PPP3CA: variants seen among roughly 807,000 people sequenced by gnomAD.
PPP3CA encodes protein phosphatase 3 catalytic subunit alpha.
PPP3CA carries 14 observed loss-of-function variants against 66.5 expected under a neutral mutation model. The ratio of observed to expected loss-of-function variants is 0.21; its 90% confidence interval spans 0.14 to 0.33. The LOEUF is 0.33. Ranked by LOEUF, PPP3CA falls within the 10% of genes least tolerant of loss-of-function variation. The pLI is 1.00. For synonymous variants in PPP3CA, 232 were observed against 226.2 expected, an observed-to-expected ratio of 1.03 and a Z score of -0.23; for missense variants, 317 against 639.5, an observed-to-expected ratio of 0.50 and a Z score of 5.44.
chr4:101,029,678 T>TAAAC (rs1424395635), intron 12 of PPP3CA, among the ~76,000 whole-genome samples: 1 of 151,682 alleles, frequency 6.6e-6, no homozygotes, highest in Admixed American at 6.6e-5. Flanking sequence ...TATTTAATAT[T>TAAAC]AAACAGCACT....
intron 1 of PPP3CA, among the ~76,000 whole-genome samples, chr4:101,310,681 A>C (rs1164231321): frequency 6.6e-6 from 1 of 152,230 alleles, no homozygotes; most frequent in Non-Finnish European, 1.5e-5. Context: ...AAGAAATAAC[A>C]ACAGAATTAA....
intron 2 of PPP3CA, among the ~76,000 whole-genome samples, chr4:101,155,755 G>T (rs954141614): frequency 1.3e-5 from 2 of 152,024 alleles, no homozygotes; most frequent in East Asian, 1.9e-4. Flanking sequence ...ACTACTTAAG[G>T]GTATATTAGA....
chr4:101,299,369 GT>G (rs1298871941), intron 1 of PPP3CA, among the ~76,000 whole-genome samples: 12 of 149,718 alleles, frequency 8.0e-5, no homozygotes, highest in African/African-American at 2.7e-4. Flanking sequence ...ATGACAGAAG[GT>G]TTTTTTGTTT....
At chr4:101,099,354 C>A (rs1475332022) in intron 4 of PPP3CA, among the ~76,000 whole-genome samples, 1 of 152,054 alleles carries the variant, frequency 6.6e-6, no homozygotes, top group African/African-American at 2.4e-5. Context: ...ATCCCTAAAT[C>A]ACTTGTTTCT....
At chr4:101,313,681 T>G (rs928337693) in intron 1 of PPP3CA, among the ~76,000 whole-genome samples, 1 of 152,302 alleles carries the variant, frequency 6.6e-6, no homozygotes, top group East Asian at 1.9e-4. Flanking sequence ...CAATTCAGAC[T>G]GCACAGCTGT....
intron 2 of PPP3CA, among the ~76,000 whole-genome samples, chr4:101,117,996 C>T (rs1721898069): frequency 6.6e-6 from 1 of 151,946 alleles, no homozygotes; most frequent in African/African-American, 2.4e-5. Context: ...AAATACTCAT[C>T]TCAGGTTTCA....
intron 1 of PPP3CA, among the ~76,000 whole-genome samples, chr4:101,219,208 G>A (rs575122946): frequency 1.1e-4 from 17 of 152,086 alleles, no homozygotes; most frequent in Non-Finnish European, 1.9e-4. Context: ...ACTGCATCTG[G>A]AAAGTATACT....
intron 1 of PPP3CA, among the ~76,000 whole-genome samples, chr4:101,341,268 C>T (rs1178556883): frequency 2.0e-5 from 3 of 148,398 alleles, no homozygotes; most frequent in African/African-American, 7.5e-5. Context: ...ACCTCAGCAT[C>T]CCAAAGTGCT....
intron 1 of PPP3CA, among the ~76,000 whole-genome samples, chr4:101,339,107 T>A (rs557951441): frequency 9.2e-5 from 14 of 152,280 alleles, no homozygotes; most frequent in Admixed American, 9.2e-4. Flanking sequence ...TGGCATCCAA[T>A]GACATTTTGG....
intron 2 of PPP3CA, among the ~76,000 whole-genome samples, chr4:101,156,814 T>C (rs1232856271): frequency 6.6e-6 from 1 of 152,238 alleles, no homozygotes; most frequent in African/African-American, 2.4e-5. Context: ...ACCAGTTTCA[T>C]GAAGTCCTTT....
chr4:101,049,558 A>G (rs538494742), intron 10 of PPP3CA, among the ~76,000 whole-genome samples: 1 of 152,240 alleles, frequency 6.6e-6, no homozygotes, highest in South Asian at 2.1e-4. Context: ...GTCTAATCAA[A>G]GATTGCTCTT....
At chr4:101,086,295 GA>G (rs895611667) in intron 6 of PPP3CA, among the ~76,000 whole-genome samples, 1 of 151,946 alleles carries the variant, frequency 6.6e-6, no homozygotes, top group Non-Finnish European at 1.5e-5. Flanking sequence ...ATTCTGCTCG[GA>G]AAAGAAGAGG....
At chr4:101,286,447 G>A (rs1727850403) in intron 1 of PPP3CA, among the ~76,000 whole-genome samples, 1 of 152,126 alleles carries the variant, frequency 6.6e-6, no homozygotes, top group Admixed American at 6.5e-5. Context: ...AAATTATTTA[G>A]GTCATAAAGT....
intron 2 of PPP3CA, 141 bp from the exon 3 acceptor site, chr4:101,109,219 A>T: frequency 1.1e-6 from 1 of 922,676 alleles, no homozygotes; most frequent in South Asian, 1.9e-5. Context: ...GAAGTACGAC[A>T]GAAAAGCTAA....
At chr4:101,159,293 C>T (rs181746526) in intron 2 of PPP3CA, among the ~76,000 whole-genome samples, 12 of 152,292 alleles carry the variant, frequency 7.9e-5, no homozygotes, top group African/African-American at 1.7e-4. Flanking sequence ...CTGCAGGCCA[C>T]GCTGCTCTAA....
intron 1 of PPP3CA, among the ~76,000 whole-genome samples, chr4:101,309,020 G>T (rs1252546574): frequency 6.6e-6 from 1 of 152,102 alleles, no homozygotes; most frequent in Non-Finnish European, 1.5e-5. Context: ...TTAGCTACTT[G>T]CGAGGCTGAG....
intron 1 of PPP3CA, among the ~76,000 whole-genome samples, chr4:101,307,233 G>T (rs747219533): frequency 6.7e-6 from 1 of 150,230 alleles, no homozygotes; most frequent in Non-Finnish European, 1.5e-5. Context: ...CCTACCTTAC[G>T]TGGAAAACCT....
In PPP3CA at chr4:101,222,883, G is replaced by A. The variant is rs191004763; in HGVS notation, c.59-26767C>T. On this transcript the variant is annotated intron_variant, in intron 1 of 13. Coordinates refer to ENST00000394854, the MANE Select transcript of PPP3CA (RefSeq NM_000944.5). ...ACAGTTATCAAGAGCTAGATTAGCTGCAAAGACACAAGTTAAAATTTAATT... is the reference window on the plus strand; with the variant it reads ...ACAGTTATCAAGAGCTAGATTAGCTACAAAGACACAAGTTAAAATTTAATT... 3.9e-3 allele frequency among the ~76,000 whole-genome samples: 586 copies of A among 151,880 alleles called. 4 individuals carry two copies. The highest frequency in any genetic ancestry group is 0.013 in the African/African-American group (558 of 41,520).
At chr4:101,081,501 T>C (rs894907610) in intron 7 of PPP3CA, among the ~76,000 whole-genome samples, 1 of 152,214 alleles carries the variant, frequency 6.6e-6, no homozygotes, top group Non-Finnish European at 1.5e-5. Context: ...ACTGTGTCTC[T>C]TTTACATAAG....
Sources: allele counts gnomAD v4.1 joint callset (sites outside exome capture counted in the v4.1 genomes callset), GRCh38; gene constraint gnomAD v4.1.1; transcripts MANE v1.5; gene names NCBI Gene and HGNC (gene_info 2026-07-23, HGNC 2026-07-21).